ANLN: variants seen among roughly 807,000 people sequenced by gnomAD.
ANLN encodes anillin, actin binding protein.
ANLN carries 59 observed loss-of-function variants against 135.1 expected under a neutral mutation model. That is an observed-to-expected ratio of 0.44 (90% CI 0.35 to 0.54). The LOEUF (loss-of-function observed/expected upper bound fraction) is 0.54, where lower values mean the gene tolerates loss of function less well. Ranked by LOEUF, ANLN falls within the 20% of genes least tolerant of loss-of-function variation. The pLI, the probability that ANLN is intolerant of heterozygous loss-of-function variation, is 0.00. For missense variants in ANLN, 1,182 were observed against 1,340.0 expected (o/e 0.88, Z 1.84); for synonymous variants, 406 against 456.4 (o/e 0.89, Z 1.41).
At chr7:36,435,780 G>A (rs1202753238) in intron 20 of ANLN, among the ~76,000 whole-genome samples, 1 of 146,032 alleles carries the variant, frequency 6.8e-6, no homozygotes, top group African/African-American at 2.5e-5. Flanking sequence ...GGCTGAGGCA[G>A]GAGAATGGCG....
chr7:36,449,450 A>G, intron 22 of ANLN: 1 of 408,714 alleles, frequency 2.4e-6, no homozygotes, highest in East Asian at 4.1e-5. Flanking sequence ...ATAGTTGGCA[A>G]GAGCTACCAG....
chr7:36,401,522 A>G (rs1283659340), intron 3 of ANLN, among the ~76,000 whole-genome samples: 1 of 151,792 alleles, frequency 6.6e-6, no homozygotes, highest in East Asian at 1.9e-4. Context: ...TATTTTTAGT[A>G]GAGATGAGGT....
chr7:36,416,183 G>T (rs1393857090), intron 8 of ANLN, among the ~76,000 whole-genome samples: 1 of 152,048 alleles, frequency 6.6e-6, no homozygotes, highest in Non-Finnish European at 1.5e-5. Context: ...ACCATGCCCA[G>T]CTAATTTTTG....
chr7:36,415,062 G>T (rs1787584281), intron 7 of ANLN, among the ~76,000 whole-genome samples: 1 of 152,204 alleles, frequency 6.6e-6, no homozygotes, highest in African/African-American at 2.4e-5. Flanking sequence ...TTTCTACTAT[G>T]ACTTCATTCA....
intron 20 of ANLN, among the ~76,000 whole-genome samples, chr7:36,434,167 T>G (rs564716103): frequency 7.9e-5 from 12 of 152,224 alleles, no homozygotes; most frequent in Non-Finnish European, 1.6e-4. Flanking sequence ...CAGTATAGAT[T>G]AGGGACTGGT....
intron 2 of ANLN, among the ~76,000 whole-genome samples, chr7:36,396,843 T>G (rs932186742): frequency 6.6e-6 from 1 of 152,172 alleles, no homozygotes; most frequent in African/African-American, 2.4e-5. Flanking sequence ...TGCTTGACAT[T>G]TAATGAACCC....
chr7:36,395,722 G>GA lies in ANLN; in HGVS notation c.19-544_19-543insA, dbSNP rs992083275. Among the ~76,000 whole-genome samples the GA allele has an allele frequency of 5.5e-3, 830 of 152,008 alleles. 8 individuals carry two copies. Among genetic ancestry groups the GA allele is most frequent in the African/African-American group, 0.019 (802 of 41,444 alleles). On this transcript the variant is annotated intron_variant, in intron 1 of 23. Transcript: ENST00000265748. The stretch of plus-strand genomic sequence containing the variant: ...TGCTTGTCTCTGCAGTGGTCATGCA[G>GA]GAATCTTCAGTGATCTGGCAGATTA...
rs1787841883 is a variant in ANLN at position 36,420,717 on chromosome 7, T to C, written c.2136T>C (p.Cys712=). ...KLDEKNNAFP[C]QVNIKQKMQE... ...ATGAAAAAAATAATGCCTTTCCTTGTCAAGTTAATATCAAACAGAAAATGC... is the reference window on the plus strand; with the variant it reads ...ATGAAAAAAATAATGCCTTTCCTTGCCAAGTTAATATCAAACAGAAAATGC... Residue 712 remains cysteine, a synonymous_variant, in exon 12 of 24, where the codon TGT becomes TGC. Coordinates refer to ENST00000265748, the MANE Select transcript of ANLN (RefSeq NM_018685.5). 6.2e-7 allele frequency: 1 copy of C among 1,613,880 alleles called. No homozygotes were observed. Among genetic ancestry groups the C allele is most frequent in the Admixed American group, 1.7e-5 (1 of 59,992 alleles).
intron 1 of ANLN, chr7:36,390,356 G>T (rs1786385821): frequency 2.3e-6 from 1 of 428,230 alleles, no homozygotes; most frequent in Admixed American, 3.8e-5. Flanking sequence ...CGCAGCAAGA[G>T]TGAGGCGCAG....
At chr7:36,405,158 T>C (rs1281481307) in intron 3 of ANLN, among the ~76,000 whole-genome samples, 1 of 152,248 alleles carries the variant, frequency 6.6e-6, no homozygotes, top group Non-Finnish European at 1.5e-5. Flanking sequence ...TACAGTTGCC[T>C]GCAATATTCA....
chr7:36,421,809 G>A (rs1179205078), intron 12 of ANLN, 48 bp from the exon 13 acceptor site: 26 of 1,495,640 alleles, frequency 1.7e-5, no homozygotes, highest in Non-Finnish European at 2.3e-5. Context: ...AAGTGAAAAT[G>A]ATGATTTAAA....
chr7:36,440,436 G>T (rs1743036098), intron 21 of ANLN, among the ~76,000 whole-genome samples: 1 of 152,206 alleles, frequency 6.6e-6, no homozygotes, highest in Non-Finnish European at 1.5e-5. Context: ...CTGCAAATGG[G>T]TCCAGAGTGA....
At chr7:36,451,139 A>T (rs565897459) in intron 23 of ANLN, among the ~76,000 whole-genome samples, 1 of 152,308 alleles carries the variant, frequency 6.6e-6, no homozygotes, top group South Asian at 2.1e-4. Context: ...TGATGGTGAG[A>T]ATATAAACAT....
At chr7:36,429,284 G>C (rs974909041) in intron 20 of ANLN, among the ~76,000 whole-genome samples, 2 of 151,954 alleles carry the variant, frequency 1.3e-5, no homozygotes, top group African/African-American at 4.8e-5. Context: ...GCAGTGGCAC[G>C]ATCTCGGCTC....
At chr7:36,399,532 A>G (rs1019133113) in intron 3 of ANLN, 139 bp downstream of exon 3, 4 of 798,580 alleles carry the variant, frequency 5.0e-6, no homozygotes, top group Middle Eastern at 2.6e-4. Flanking sequence ...TTGCTTGCAT[A>G]TGGTTTGTCT....
chr7:36,416,390 C>A (rs931908624), intron 8 of ANLN, among the ~76,000 whole-genome samples: 7 of 152,188 alleles, frequency 4.6e-5, no homozygotes, highest in Admixed American at 1.3e-4. Context: ...AATTCAGGTG[C>A]CTTTTATTTT....
chr7:36,418,508 G>A (rs1014987700), intron 9 of ANLN, among the ~76,000 whole-genome samples: 1 of 152,194 alleles, frequency 6.6e-6, no homozygotes, highest in East Asian at 1.9e-4. Context: ...ACCACAAGGT[G>A]TTAGCAGCCC....
At chr7:36,430,593 A>G (rs1788273742) in intron 20 of ANLN, among the ~76,000 whole-genome samples, 1 of 152,232 alleles carries the variant, frequency 6.6e-6, no homozygotes, top group Non-Finnish European at 1.5e-5. Flanking sequence ...CTTTTAGGAA[A>G]TAGAAATGTC....
At chr7:36,424,502 G>A (rs1186705710) in intron 15 of ANLN, 43 bp from the exon 16 acceptor site, 2 of 1,484,938 alleles carry the variant, frequency 1.3e-6, no homozygotes, top group Non-Finnish European at 1.9e-6. Flanking sequence ...TGGTGTGATT[G>A]AGGTTTTCTC....
Sources: gnomAD v4.1 joint callset for allele counts (sites outside exome capture counted in the v4.1 genomes callset) on GRCh38, gnomAD v4.1.1 for gene constraint, MANE v1.5 for transcripts, NCBI Gene and HGNC (gene_info 2026-07-23, HGNC 2026-07-21) for gene names.